SMOC1: variants seen among roughly 807,000 people sequenced by gnomAD.
The protein encoded by SMOC1 is SPARC related modular calcium binding 1.
A neutral mutation model predicts 56.3 loss-of-function variants in SMOC1; 22 were observed. The ratio of observed to expected loss-of-function variants is 0.39; its 90% CI spans 0.28 to 0.56. SMOC1 has a LOEUF of 0.56. SMOC1 is among the 20% of genes least tolerant of loss of function. SMOC1 has a pLI of 0.61. For synonymous variants in SMOC1, 193 were observed against 215.0 expected, an observed-to-expected ratio of 0.90 and a Z score of 0.89; for missense variants, 509 against 565.4, an observed-to-expected ratio of 0.90 and a Z score of 1.01.
chr14:70,025,164 G>A (rs1249597820), intron 11 of SMOC1, among the ~76,000 whole-genome samples: 2 of 152,208 alleles, frequency 1.3e-5, no homozygotes, highest in East Asian at 1.9e-4. Flanking sequence ...TGAAGGATGA[G>A]TGGCTCTGTA....
rs1594794855 is a variant in SMOC1 at position 69,904,758 on chromosome 14, A to C, written c.99+24981A>C. Among the ~76,000 whole-genome samples the C allele has an allele frequency of 3.3e-5, 5 of 152,182 alleles. No homozygotes were observed. In the South Asian group the frequency reaches 1.0e-3, roughly 32 times the overall value. On this transcript the variant is annotated intron_variant, in intron 1 of 11. Coordinates refer to ENST00000361956, the MANE Select transcript of SMOC1 (RefSeq NM_001034852.3). Reference sequence around the variant, plus strand: ...TGTGCTCATCATGGAGCCTGTCTGAAACTCGGTCTCATAGGTGAAATGGGA... The same window carrying C: ...TGTGCTCATCATGGAGCCTGTCTGACACTCGGTCTCATAGGTGAAATGGGA...
intron 1 of SMOC1, among the ~76,000 whole-genome samples, chr14:69,883,889 ATTT>A (rs34300667): frequency 9.6e-3 from 640 of 66,506 alleles, no homozygotes; most frequent in African/African-American, 0.044. Context: ...GATGTTGAGC[ATTT>A]TTTTTTTTTT....
At chr14:69,963,608 T>C (rs1000856273) in intron 3 of SMOC1, among the ~76,000 whole-genome samples, 2 of 150,770 alleles carry the variant, frequency 1.3e-5, no homozygotes, top group African/African-American at 2.4e-5. Flanking sequence ...GGCATTAAGG[T>C]TCTCAGCACA....
chr14:70,010,681 A>G (rs1024692439), intron 7 of SMOC1, 73 bp from the exon 8 acceptor site: 2 of 1,532,952 alleles, frequency 1.3e-6, no homozygotes, highest in Admixed American at 3.3e-5. Flanking sequence ...CTTACTTTGG[A>G]TGCTGGGCAC....
At chr14:69,925,362 T>C (rs1319118992) in intron 1 of SMOC1, among the ~76,000 whole-genome samples, 1 of 151,748 alleles carries the variant, frequency 6.6e-6, no homozygotes, top group Non-Finnish European at 1.5e-5. Flanking sequence ...GGAGGGCTCT[T>C]GAGGGGAGGA....
At chr14:69,946,026 A>G (rs567158162) in intron 1 of SMOC1, among the ~76,000 whole-genome samples, 91 of 152,358 alleles carry the variant, frequency 6.0e-4, no homozygotes, top group Non-Finnish European at 1.0e-3. Context: ...AGAATTAAAC[A>G]TCTCCTCCCA....
rs553037202 is a variant in SMOC1, at chr14:70,027,405, G to C, written c.1292-2837G>C. Among the ~76,000 whole-genome samples, 174 of 152,218 alleles carry C rather than the reference G, an allele frequency of 1.1e-3. 1 individual carries two copies. The highest frequency in any genetic ancestry group is 0.01 in the Middle Eastern group (3 of 294). The stretch of plus-strand genomic sequence containing the variant: ...AGTGGGGGAGTCTGGGGAAGAGGGG[G>C]AGCAGACCAGCCTGGGGGCAGCGTG... On this transcript the variant is annotated intron_variant, in intron 11 of 11. Coordinates refer to ENST00000361956, the MANE Select transcript of SMOC1 (RefSeq NM_001034852.3).
chr14:69,961,306 A>G (rs1044218415), intron 3 of SMOC1, among the ~76,000 whole-genome samples: 1 of 104,070 alleles, frequency 9.6e-6, no homozygotes, highest in African/African-American at 2.9e-5. Flanking sequence ...ATATATATAT[A>G]TATATATATA....
intron 3 of SMOC1, among the ~76,000 whole-genome samples, chr14:69,955,667 C>G (rs371815966): frequency 6.7e-6 from 1 of 148,166 alleles, no homozygotes; most frequent in Admixed American, 6.8e-5. Flanking sequence ...TCTATCATGT[C>G]GATACCACTA....
chr14:69,938,819 C>T (rs1044057640), intron 1 of SMOC1, among the ~76,000 whole-genome samples: 4 of 152,164 alleles, frequency 2.6e-5, no homozygotes, highest in Non-Finnish European at 5.9e-5. Flanking sequence ...ACAAAGACTT[C>T]CAGTGCTATT....
At chr14:69,981,976 G>A (rs890860134) in intron 5 of SMOC1, among the ~76,000 whole-genome samples, 1 of 152,154 alleles carries the variant, frequency 6.6e-6, no homozygotes, top group Non-Finnish European at 1.5e-5. Context: ...GGGGGGCAGT[G>A]GTGAAGAGTG....
At chr14:69,978,925 A>T (rs990224668) in intron 5 of SMOC1, among the ~76,000 whole-genome samples, 3 of 151,974 alleles carry the variant, frequency 2.0e-5, no homozygotes, top group Admixed American at 6.6e-5. Flanking sequence ...GAGGCTTAAG[A>T]TTCACTGCCA....
At position 69,899,287 on chromosome 14, in the gene SMOC1, C is replaced by T. The variant is rs541975609; in HGVS notation, c.99+19510C>T. Among the ~76,000 whole-genome samples the T allele has an allele frequency of 1.2e-3, 189 of 152,288 alleles. 1 individual carries two copies. In the South Asian group the frequency reaches 0.014, roughly 11 times the overall value. On this transcript the variant is annotated intron_variant, in intron 1 of 11. Coordinates refer to ENST00000361956, the MANE Select transcript of SMOC1 (RefSeq NM_001034852.3). ...GAGTTTCATGTTCAATTGTAATCCC[C>T]AGTGTTGGAGGTGGGGCCTGGTGGG...
chr14:69,987,786 C>T (rs1277075134), intron 5 of SMOC1, among the ~76,000 whole-genome samples: 1 of 152,080 alleles, frequency 6.6e-6, no homozygotes, highest in Non-Finnish European at 1.5e-5. Flanking sequence ...CATCGGGGGT[C>T]GAAGTGACTT....
chr14:69,905,246 C>T (rs1418182108), intron 1 of SMOC1, among the ~76,000 whole-genome samples: 1 of 152,034 alleles, frequency 6.6e-6, no homozygotes, highest in Non-Finnish European at 1.5e-5. Context: ...TATTTGACAC[C>T]TAGCAGGAAT....
rs34504720 is a variant in SMOC1 at position 70,030,202 on chromosome 14, C to CT, written c.1292-23dup. On this transcript the variant is annotated intron_variant, in intron 11 of 11. Transcript: ENST00000361956. ...CTTCTTGCTTATATCTGCCCCCGAC[C>CT]TTTTTTTTTTTTTTTTTGCATTCTC... 0.081 allele frequency: 120,762 copies of CT among 1,493,720 alleles called. 1,309 individuals are homozygous for CT. Among genetic ancestry groups the CT allele is most frequent in the African/African-American group, 0.16 (10,428 of 65,228 alleles). The allele number at this position is 1,493,720 out of a possible 1,614,324, so 92.5% of individuals were successfully genotyped here. A position where few individuals can be genotyped will look rare whatever the true frequency, so the allele number is the denominator to read the frequency against.
chr14:69,933,525 CA>C (rs1326331441), intron 1 of SMOC1, among the ~76,000 whole-genome samples: 2 of 152,016 alleles, frequency 1.3e-5, no homozygotes, highest in African/African-American at 4.8e-5. Flanking sequence ...ATGTAAAAGA[CA>C]TTTTTTTGTT....
At chr14:69,903,380 G>C (rs866176286) in intron 1 of SMOC1, among the ~76,000 whole-genome samples, 4 of 152,020 alleles carry the variant, frequency 2.6e-5, no homozygotes, top group East Asian at 3.9e-4. Context: ...CCCTCGGCCC[G>C]GCCGCCACCC....
intron 1 of SMOC1, among the ~76,000 whole-genome samples, chr14:69,941,688 C>T (rs1882571761): frequency 6.6e-6 from 1 of 152,198 alleles, no homozygotes; most frequent in Non-Finnish European, 1.5e-5. Flanking sequence ...TTAGGATCCT[C>T]TATGATCTCT....
Sources: allele counts gnomAD v4.1 joint callset (sites outside exome capture counted in the v4.1 genomes callset), GRCh38; gene constraint gnomAD v4.1.1; transcripts MANE v1.5; gene names NCBI Gene and HGNC (gene_info 2026-07-23, HGNC 2026-07-21).